The following PCNX2 variants were observed in gnomAD, a reference collection of about 807,000 sequenced individuals.
PCNX2 encodes the protein pecanex 2.
In PCNX2, 168 loss-of-function variants were observed where a neutral mutation model predicts 223.8. The ratio of observed to expected loss-of-function variants is 0.75; its 90% CI spans 0.66 to 0.85. PCNX2 has a LOEUF of 0.85. PCNX2 is among the 40% of genes least tolerant of loss of function. The pLI is 0.00. For missense variants in PCNX2, 2,507 were observed against 2,675.5 expected, an observed-to-expected ratio of 0.94 and a Z score of 1.39; for synonymous variants, 1,006 against 1,052.6, an observed-to-expected ratio of 0.96 and a Z score of 0.86.
intron 21 of PCNX2, among the ~76,000 whole-genome samples, chr1:233,110,490 T>C (rs971143005): frequency 1.3e-5 from 2 of 152,184 alleles, no homozygotes; most frequent in African/African-American, 4.8e-5. Flanking sequence ...ACTGACAAAA[T>C]GTCTTGCCAA....
At chr1:233,056,919 T>C (rs569482119) in intron 24 of PCNX2, among the ~76,000 whole-genome samples, 4 of 152,314 alleles carry the variant, frequency 2.6e-5, no homozygotes, top group Admixed American at 1.3e-4. Context: ...AATTTTTTTT[T>C]CCTAAAAGAC....
chr1:233,153,320 C>T (rs532778897), intron 19 of PCNX2, among the ~76,000 whole-genome samples: 57 of 152,114 alleles, frequency 3.7e-4, no homozygotes, highest in Non-Finnish European at 7.2e-4. Context: ...GCAGCAGGTT[C>T]CAGGAGGGAG....
intron 23 of PCNX2, among the ~76,000 whole-genome samples, chr1:233,074,947 AC>A (rs1194668845): frequency 1.3e-5 from 2 of 152,172 alleles, no homozygotes; most frequent in African/African-American, 4.8e-5. Flanking sequence ...ATATGAAGAA[AC>A]TTGATCTCTC....
chr1:233,095,400 C>A lies in PCNX2; in HGVS notation c.3946+355G>T, dbSNP rs1674104691. The A allele has an allele frequency of 2.6e-5, 6 of 233,080 alleles. No homozygotes were observed. In the Admixed American group the frequency reaches 3.1e-4, roughly 12 times the overall value. The allele number at this position is 233,080 out of a possible 1,614,324, so 14.4% of individuals were successfully genotyped here. Reference sequence around the variant, plus strand: ...AATGTATTGAATGCATTAAACCTATCCACAATGCTTAATAACAGCAAATTT... The same window carrying A: ...AATGTATTGAATGCATTAAACCTATACACAATGCTTAATAACAGCAAATTT... On this transcript the variant is annotated intron_variant, in intron 22 of 33. Transcript: ENST00000258229.
intron 16 of PCNX2, among the ~76,000 whole-genome samples, chr1:233,178,300 T>C (rs762508421): frequency 6.6e-5 from 10 of 152,234 alleles, no homozygotes; most frequent in Non-Finnish European, 1.5e-4. Context: ...CCTTTCACAC[T>C]ACTGCACCTC....
intron 23 of PCNX2, among the ~76,000 whole-genome samples, chr1:233,073,720 C>A (rs1672958786): frequency 6.6e-6 from 1 of 152,022 alleles, no homozygotes; most frequent in Non-Finnish European, 1.5e-5. Flanking sequence ...TCAAGCAATC[C>A]TCTAACCTCA....
At chr1:233,078,117 T>C (rs1293336363) in intron 23 of PCNX2, among the ~76,000 whole-genome samples, 2 of 152,206 alleles carry the variant, frequency 1.3e-5, no homozygotes, top group South Asian at 2.1e-4. Flanking sequence ...AGTCACAAGA[T>C]TAAACAAGCA....
At chr1:233,288,755 G>T (rs570796620) in intron 1 of PCNX2, 68 of 616,424 alleles carry the variant, frequency 1.1e-4, no homozygotes, top group Admixed American at 1.8e-4. Flanking sequence ...AAATCTGGAG[G>T]GACTGAGTCT....
intron 13 of PCNX2, among the ~76,000 whole-genome samples, chr1:233,206,449 C>T (rs1250470665): frequency 1.3e-5 from 2 of 151,736 alleles, no homozygotes; most frequent in East Asian, 2.0e-4. Flanking sequence ...TTTTTCACTG[C>T]AGCCGACTTA....
At chr1:233,306,351 A>T in the PCNX2 span, among the ~76,000 whole-genome samples, 1 of 152,230 alleles carries the variant, frequency 6.6e-6, no homozygotes, top group African/African-American at 2.4e-5. Context: ...AATGGATCAA[A>T]CAACTAGGCA....
At chr1:233,215,204 T>C (rs1341279559) in intron 12 of PCNX2, among the ~76,000 whole-genome samples, 1 of 152,196 alleles carries the variant, frequency 6.6e-6, no homozygotes, top group Admixed American at 6.5e-5. Context: ...TGGGAGGTAA[T>C]AAATCTGTCT....
At chr1:233,160,194 G>T in intron 19 of PCNX2, 89 bp downstream of exon 19, 1 of 1,384,238 alleles carries the variant, frequency 7.2e-7, no homozygotes, top group Non-Finnish European at 1.0e-6. Context: ...GTGGCATTAA[G>T]TACATTCAGA....
upstream of PCNX2, among the ~76,000 whole-genome samples, chr1:233,298,221 G>T (rs937753268): frequency 1.2e-4 from 19 of 152,118 alleles, no homozygotes; most frequent in African/African-American, 4.3e-4. Flanking sequence ...ACAAAAGAGG[G>T]AGGAAAGGAG....
At chr1:233,292,868 A>G (rs1661853247) in intron 1 of PCNX2, among the ~76,000 whole-genome samples, 1 of 152,246 alleles carries the variant, frequency 6.6e-6, no homozygotes, top group East Asian at 1.9e-4. Flanking sequence ...ACCCACATAC[A>G]ATTATTCTAT....
At chr1:233,148,248 G>C (rs1677579907) in intron 19 of PCNX2, among the ~76,000 whole-genome samples, 1 of 152,076 alleles carries the variant, frequency 6.6e-6, no homozygotes, top group Non-Finnish European at 1.5e-5. Context: ...TTTCCTGGTG[G>C]GTGTTGAGTA....
rs765875758 is a variant in PCNX2, at chr1:233,262,121, C to T, written c.404G>A (p.Arg135Gln). The change falls in exon 3 of 34, where the codon CGA (arginine) becomes CAA (glutamine). Residue 135 changes from arginine to glutamine, a missense_variant. Physicochemically the swap from Arg to Gln is conservative, Grantham distance 43 (BLOSUM62 1). Transcript: ENST00000258229. ...IHNGKKEEAS[R>Q]NLSTPPLRCS... Reference sequence around the variant, plus strand: ...GCGGAGGGGAGGCGTGGAGAGGTTTCGACTGGCCTCTTCCTTTTTGCCATT... The same window carrying T: ...GCGGAGGGGAGGCGTGGAGAGGTTTTGACTGGCCTCTTCCTTTTTGCCATT... 1.3e-4 allele frequency: 217 copies of T among 1,613,662 alleles called. No individual in the cohort carries two copies. Among genetic ancestry groups the T allele is most frequent in the Non-Finnish European group, 1.7e-4 (206 of 1,179,780 alleles).
At chr1:233,013,032 G>A (rs1670522863) in intron 28 of PCNX2, among the ~76,000 whole-genome samples, 1 of 152,156 alleles carries the variant, frequency 6.6e-6, no homozygotes, top group South Asian at 2.1e-4. Context: ...TCATCTGTTA[G>A]ACCTGCGGCA....
Position 233,017,114 on chromosome 1 carries a change from G to A in PCNX2, c.4646C>T (p.Ser1549Phe), listed in dbSNP as rs1173442200. 3.2e-6 allele frequency: 5 copies of A among 1,551,892 alleles called. No homozygotes were observed. The highest frequency in any genetic ancestry group is 4.3e-6 in the Non-Finnish European group (5 of 1,152,796). ...YYMVTSPKLLSWIKNESLLKS... is the reference protein window; with the variant it reads ...YYMVTSPKLLFWIKNESLLKS... ...CAGAAGTGATTCATTTTTGATCCAG[G>A]AGAGGAGTTTGGGAGACGTTACCAT... The change falls in exon 27 of 34, where the codon TCC becomes TTC. Residue 1549 changes from serine (S) to phenylalanine (F), a missense_variant. Transcript: ENST00000258229.
At chr1:233,162,724 G>C (rs549376476) in intron 17 of PCNX2, among the ~76,000 whole-genome samples, 1 of 152,230 alleles carries the variant, frequency 6.6e-6, no homozygotes, top group South Asian at 2.1e-4. Flanking sequence ...GCATCTTTTG[G>C]CTGTGGGGAG....
Sources: allele counts gnomAD v4.1 joint callset (sites outside exome capture counted in the v4.1 genomes callset), GRCh38; gene constraint gnomAD v4.1.1; transcripts MANE v1.5; gene names NCBI Gene and HGNC (gene_info 2026-07-23, HGNC 2026-07-21).